Variants in UBE2F observed in about 807,000 individuals in gnomAD.
UBE2F encodes the protein NEDD8-conjugating enzyme UBE2F.
UBE2F carries 5 observed loss-of-function variants against 29.6 expected under a neutral mutation model. That is an observed-to-expected ratio of 0.17 (90% CI 0.09 to 0.36). UBE2F has a LOEUF of 0.36. Among genes scored for constraint, UBE2F ranks in the 10% least tolerant of loss-of-function variants. UBE2F has a pLI of 1.00. For synonymous variants in UBE2F, 66 were observed against 81.8 expected, an observed-to-expected ratio of 0.81 and a Z score of 1.04; for missense variants, 141 against 228.5, an observed-to-expected ratio of 0.62 and a Z score of 2.47.
chr2:237,990,412 T>A (rs2106346244), intron 3 of UBE2F: 1 of 459,326 alleles, frequency 2.2e-6, no homozygotes, highest in South Asian at 1.6e-5. Flanking sequence ...CCTTTTTTTT[T>A]TTTTTTAATA....
chr2:237,988,126 A>G, intron 3 of UBE2F, 134 bp downstream of exon 3: 2 of 591,922 alleles, frequency 3.4e-6, no homozygotes, highest in Non-Finnish European at 5.7e-6. Context: ...TTTTCTGTGA[A>G]AAGGTAGGAT....
At chr2:237,983,518 GC>G (rs2063418780) in intron 2 of UBE2F, among the ~76,000 whole-genome samples, 1 of 152,130 alleles carries the variant, frequency 6.6e-6, no homozygotes, top group South Asian at 2.1e-4. Context: ...GAGATCAGAG[GC>G]CTGCAGGTCT....
intron 2 of UBE2F, among the ~76,000 whole-genome samples, chr2:237,977,959 C>T (rs2063314038): frequency 6.6e-6 from 1 of 151,864 alleles, no homozygotes; most frequent in African/African-American, 2.4e-5. Context: ...CTAAGGGGTA[C>T]CTTTGGGACA....
chr2:237,974,518 T>G (rs959931933), intron 2 of UBE2F, among the ~76,000 whole-genome samples: 2 of 142,172 alleles, frequency 1.4e-5, no homozygotes, highest in African/African-American at 2.6e-5. Flanking sequence ...TTTTTTTGTT[T>G]TTTTTTTTTT....
chr2:238,020,820 G>C (rs777314270), intron 5 of UBE2F, among the ~76,000 whole-genome samples: 1 of 152,166 alleles, frequency 6.6e-6, no homozygotes, highest in Non-Finnish European at 1.5e-5. Flanking sequence ...ATTGTGCCAG[G>C]CTCCGTGTCA....
chr2:237,974,977 A>G (rs1047404134), intron 2 of UBE2F, among the ~76,000 whole-genome samples: 1 of 143,252 alleles, frequency 7.0e-6, no homozygotes, highest in Non-Finnish European at 1.5e-5. Flanking sequence ...TCACCATGTT[A>G]GCCAGGCTAG....
intron 3 of UBE2F, among the ~76,000 whole-genome samples, chr2:237,989,507 C>G (rs2063541067): frequency 6.6e-6 from 1 of 151,956 alleles, no homozygotes; most frequent in Admixed American, 6.6e-5. Context: ...CATGCACCAC[C>G]ACGCCAGGCT....
At chr2:238,032,196 G>T in intron 7 of UBE2F, 26 bp from the exon 8 acceptor site, 1 of 1,607,886 alleles carries the variant, frequency 6.2e-7, no homozygotes. Flanking sequence ...CTTAAAACTT[G>T]TTTTCTGTTT....
At chr2:237,988,483 C>G (rs1174102191) in intron 3 of UBE2F, among the ~76,000 whole-genome samples, 1 of 151,544 alleles carries the variant, frequency 6.6e-6, no homozygotes, top group Non-Finnish European at 1.5e-5. Flanking sequence ...GGGCCTGGTG[C>G]TGCATCACTG....
intron 4 of UBE2F, among the ~76,000 whole-genome samples, chr2:237,998,118 T>C (rs1440499094): frequency 6.6e-6 from 1 of 152,194 alleles, no homozygotes; most frequent in Non-Finnish European, 1.5e-5. Flanking sequence ...AATGACAATT[T>C]TTTAAATTTA....
At chr2:237,974,519 T>G (rs1480251245) in intron 2 of UBE2F, among the ~76,000 whole-genome samples, 10 of 143,364 alleles carry the variant, frequency 7.0e-5, no homozygotes, top group Non-Finnish European at 6.1e-5. Flanking sequence ...TTTTTTGTTT[T>G]TTTTTTTTTT....
intron 5 of UBE2F, 161 bp from the exon 6 acceptor site, chr2:238,025,181 G>A (rs779443775): frequency 3.0e-5 from 19 of 643,900 alleles, no homozygotes; most frequent in Admixed American, 2.7e-4. Flanking sequence ...TGGGTGAGGT[G>A]AGCCAGTATT....
chr2:237,969,919 G>A (rs953893117), intron 1 of UBE2F, among the ~76,000 whole-genome samples: 1 of 152,216 alleles, frequency 6.6e-6, no homozygotes, highest in Non-Finnish European at 1.5e-5. Context: ...GGCCACCTGA[G>A]GAGATGGCAC....
At chr2:238,038,402 C>T (rs1328318931) in intron 9 of UBE2F, among the ~76,000 whole-genome samples, 1 of 152,190 alleles carries the variant, frequency 6.6e-6, no homozygotes, top group Non-Finnish European at 1.5e-5. Context: ...CTTGTGTTGT[C>T]TGGTAAAGCC....
In UBE2F at chr2:238,006,282, G is replaced by A. The variant is rs79024735; in HGVS notation, c.215-10284G>A. Among the ~76,000 whole-genome samples, 162 of 152,208 alleles carry A rather than the reference G, an allele frequency of 1.1e-3. 1 individual carries two copies. Among genetic ancestry groups the A allele is most frequent in the African/African-American group, 3.7e-3 (155 of 41,532 alleles). On this transcript the variant is annotated intron_variant, in intron 4 of 9. Transcript: ENST00000272930. ...ACAGTAAAAACTCACTAATTACCAT[G>A]GCACTAAGCCATTCATAAGGGATCT...
At chr2:237,971,823 CAA>C (rs1345645411) in intron 1 of UBE2F, among the ~76,000 whole-genome samples, 1 of 152,078 alleles carries the variant, frequency 6.6e-6, no homozygotes, top group East Asian at 1.9e-4. Context: ...TTAATTGTAA[CAA>C]ATGTACCCTC....
intron 5 of UBE2F, 33 bp from the exon 6 acceptor site, chr2:238,025,309 G>C (rs763153739): frequency 9.4e-6 from 15 of 1,589,736 alleles, no homozygotes; most frequent in Non-Finnish European, 1.3e-5. Flanking sequence ...AGAGACTGTC[G>C]GCGTGATCTC....
intron 2 of UBE2F, among the ~76,000 whole-genome samples, chr2:237,974,707 G>GT (rs1271311113): frequency 6.6e-6 from 1 of 151,556 alleles, no homozygotes; most frequent in East Asian, 1.9e-4. Flanking sequence ...TAGAGATGGG[G>GT]TTTCGCCACG....
Position 238,011,489 on chromosome 2 carries a change from G to A in UBE2F, c.215-5077G>A, listed in dbSNP as rs114496122. On this transcript the variant is annotated intron_variant, in intron 4 of 9. Coordinates refer to ENST00000272930, the MANE Select transcript of UBE2F (RefSeq NM_080678.3). Reference sequence around the variant, plus strand: ...CCACTAGAATATACGCTTCATAAGGGCGGGAATTATCTCTTGTTGATGTGT... The same window carrying A: ...CCACTAGAATATACGCTTCATAAGGACGGGAATTATCTCTTGTTGATGTGT... Among the ~76,000 whole-genome samples, 1,269 of 152,296 alleles carry A rather than the reference G, an allele frequency of 8.3e-3. 7 individuals carry two copies. Among genetic ancestry groups the A allele is most frequent in the Non-Finnish European group, 0.013 (887 of 68,030 alleles).
Sources: allele counts gnomAD v4.1 joint callset (sites outside exome capture counted in the v4.1 genomes callset), GRCh38; gene constraint gnomAD v4.1.1; transcripts MANE v1.5; gene names NCBI Gene and HGNC (gene_info 2026-07-23, HGNC 2026-07-21).